Variants in LMNTD1 observed in about 807,000 individuals in gnomAD.
The protein encoded by LMNTD1 is lamin tail domain containing 1.
LMNTD1 carries 35 observed loss-of-function variants against 50.9 expected under a neutral mutation model. That is an observed-to-expected ratio of 0.69 (90% confidence interval 0.53 to 0.91). The LOEUF (loss-of-function observed/expected upper bound fraction) is 0.91. LMNTD1 is among the 40% of genes least tolerant of loss of function. LMNTD1 has a pLI of 0.00. For missense variants in LMNTD1, 470 were observed against 475.5 expected (o/e 0.99, Z 0.11); for synonymous variants, 153 against 161.9 (o/e 0.94, Z 0.42).
At chr12:25,581,845 G>A (rs1321434717) in intron 1 of LMNTD1, among the ~76,000 whole-genome samples, 1 of 152,192 alleles carries the variant, frequency 6.6e-6, no homozygotes, top group African/African-American at 2.4e-5. Context: ...GCAGGCAATT[G>A]TAACACAATC....
intron 1 of LMNTD1, among the ~76,000 whole-genome samples, chr12:25,609,837 G>T (rs1946202456): frequency 6.6e-6 from 1 of 152,202 alleles, no homozygotes; most frequent in African/African-American, 2.4e-5. Flanking sequence ...TGTTCTTAGA[G>T]CTCAAACACC....
chr12:25,552,023 GAACA>G (rs971442595), intron 2 of LMNTD1, among the ~76,000 whole-genome samples: 1 of 152,038 alleles, frequency 6.6e-6, no homozygotes, highest in Non-Finnish European at 1.5e-5. Flanking sequence ...GGACCTCTAA[GAACA>G]AATATTTAAA....
At chr12:25,544,223 T>C (rs1216641889) in intron 4 of LMNTD1, among the ~76,000 whole-genome samples, 1 of 151,904 alleles carries the variant, frequency 6.6e-6, no homozygotes, top group Admixed American at 6.6e-5. Flanking sequence ...AATCTATTCG[T>C]TTGCTTTATA....
At chr12:25,587,840 T>G (rs1005272132) in intron 1 of LMNTD1, among the ~76,000 whole-genome samples, 2 of 152,170 alleles carry the variant, frequency 1.3e-5, no homozygotes, top group African/African-American at 4.8e-5. Flanking sequence ...CAGAGGGTAT[T>G]TTAGGAAAGA....
chr12:25,643,994 G>A (rs985866134), intron 1 of LMNTD1, among the ~76,000 whole-genome samples: 2 of 152,204 alleles, frequency 1.3e-5, no homozygotes, highest in Non-Finnish European at 2.9e-5. Context: ...GGATTGGCCA[G>A]AGCTAGATAT....
chr12:25,629,905 G>C (rs1386992458), intron 1 of LMNTD1, among the ~76,000 whole-genome samples: 1 of 152,106 alleles, frequency 6.6e-6, no homozygotes, highest in Non-Finnish European at 1.5e-5. Flanking sequence ...ACTTTAATTA[G>C]ATCAGACTGT....
intron 1 of LMNTD1, among the ~76,000 whole-genome samples, chr12:25,627,408 G>A (rs1946613498): frequency 6.6e-6 from 1 of 152,096 alleles, no homozygotes; most frequent in Admixed American, 6.5e-5. Context: ...AAAGTACTGT[G>A]CTCAGTCGTT....
At position 25,541,788 on chromosome 12, in the gene LMNTD1, T is replaced by C. The variant is rs1003617269; in HGVS notation, c.491+4586A>G. On this transcript the variant is annotated intron_variant, in intron 4 of 9. Coordinates refer to ENST00000458174, the MANE Select transcript of LMNTD1 (RefSeq NM_001145728.2). ...CTACCATCAGAGTGAACAGGCAACC[T>C]ACAAAATGGGAGAAAATTTTTGCAA... Among the ~76,000 whole-genome samples the C allele has an allele frequency of 5.3e-5, 7 of 131,672 alleles. No individual in the cohort carries two copies. The East Asian group carries it at 1.3e-3, about 25-fold the overall frequency. The allele number at this position is 131,672 out of a possible 152,430, so 86.4% of individuals were successfully genotyped here. A position where few individuals can be genotyped will look rare whatever the true frequency, so the allele number is the denominator to read the frequency against.
At chr12:25,586,127 G>A (rs1389734134) in intron 1 of LMNTD1, 1 of 152,192 alleles carries the variant, frequency 6.6e-6, no homozygotes, top group African/African-American at 2.4e-5. Context: ...GGGAAGGGTA[G>A]TGTCAAAGGC....
chr12:25,586,649 C>T (rs1227921595), intron 1 of LMNTD1, among the ~76,000 whole-genome samples: 1 of 152,140 alleles, frequency 6.6e-6, no homozygotes, highest in Admixed American at 6.6e-5. Context: ...TTGCTTTGTC[C>T]TTGCTTAAGC....
chr12:25,622,156 C>A (rs1220068623), intron 1 of LMNTD1, among the ~76,000 whole-genome samples: 1 of 152,212 alleles, frequency 6.6e-6, no homozygotes, highest in Non-Finnish European at 1.5e-5. Context: ...GGGAAGGCTG[C>A]AGAGGAACAA....
chr12:25,568,691 C>T (rs1471126928), intron 1 of LMNTD1, among the ~76,000 whole-genome samples: 1 of 152,222 alleles, frequency 6.6e-6, no homozygotes, highest in Non-Finnish European at 1.5e-5. Flanking sequence ...TCTGCAGCTC[C>T]AGCTTCAGCC....
At chr12:25,608,926 G>T (rs1946181867) in intron 1 of LMNTD1, among the ~76,000 whole-genome samples, 1 of 152,246 alleles carries the variant, frequency 6.6e-6, no homozygotes, top group Non-Finnish European at 1.5e-5. Flanking sequence ...TTTCCAGCTT[G>T]GTTCCATTCT....
intron 4 of LMNTD1, among the ~76,000 whole-genome samples, chr12:25,542,891 T>C (rs1943188348): frequency 6.6e-6 from 1 of 151,664 alleles, no homozygotes; most frequent in Non-Finnish European, 1.5e-5. Context: ...AAATCTCTAG[T>C]GATATGATCA....
chr12:25,638,615 T>C (rs1946885595), intron 1 of LMNTD1, among the ~76,000 whole-genome samples: 1 of 151,972 alleles, frequency 6.6e-6, no homozygotes, highest in Admixed American at 6.5e-5. Context: ...TACTTAGGAC[T>C]AAATTTAAAA....
At chr12:25,495,260 G>GTGTA (rs796585972) in intron 9 of LMNTD1, among the ~76,000 whole-genome samples, 4 of 151,354 alleles carry the variant, frequency 2.6e-5, no homozygotes, top group South Asian at 2.1e-4. Context: ...GTGTGTGTGT[G>GTGTA]TGTGTGTGTG....
intron 1 of LMNTD1, among the ~76,000 whole-genome samples, chr12:25,603,024 G>A (rs1407203997): frequency 1.3e-5 from 2 of 152,022 alleles, no homozygotes; most frequent in African/African-American, 4.8e-5. Flanking sequence ...TAAAGTTCAG[G>A]AAGAAATGGT....
chr12:25,523,107 C>T (rs1941451161), intron 6 of LMNTD1, among the ~76,000 whole-genome samples: 1 of 152,040 alleles, frequency 6.6e-6, no homozygotes, highest in Non-Finnish European at 1.5e-5. Context: ...AATCTTGGCT[C>T]ACTGCAACCT....
At chr12:25,508,885 T>C (rs1940032058) in intron 8 of LMNTD1, among the ~76,000 whole-genome samples, 1 of 147,276 alleles carries the variant, frequency 6.8e-6, no homozygotes, top group Non-Finnish European at 1.5e-5. Flanking sequence ...TTCTTTCTAG[T>C]CCTAATATTC....
Sources: gnomAD v4.1 joint callset for allele counts (sites outside exome capture counted in the v4.1 genomes callset) on GRCh38, gnomAD v4.1.1 for gene constraint, MANE v1.5 for transcripts, NCBI Gene and HGNC (gene_info 2026-07-23, HGNC 2026-07-21) for gene names.